Variants in ST8SIA5 observed in about 807,000 individuals in gnomAD.
ST8SIA5 encodes ST8 alpha-N-acetyl-neuraminide alpha-2,8-sialyltransferase 5.
In ST8SIA5, 24 loss-of-function variants were observed where a neutral mutation model predicts 40.2. The ratio of observed to expected loss-of-function variants is 0.60; its 90% CI spans 0.43 to 0.84. ST8SIA5 has a LOEUF of 0.84. Ranked by LOEUF, ST8SIA5 falls within the 40% of genes least tolerant of loss-of-function variation. ST8SIA5 has a pLI of 0.00. For missense variants in ST8SIA5, 465 were observed against 498.5 expected (o/e 0.93, Z 0.64); for synonymous variants, 198 against 201.8 (o/e 0.98, Z 0.16).
intron 1 of ST8SIA5, among the ~76,000 whole-genome samples, chr18:46,721,074 G>T (rs2039857369): frequency 6.6e-6 from 1 of 151,992 alleles, no homozygotes; most frequent in African/African-American, 2.4e-5. Context: ...CAGAGCTTTG[G>T]CCCCCACCCC....
chr18:46,694,983 A>G (rs2039543068), intron 2 of ST8SIA5, among the ~76,000 whole-genome samples: 1 of 151,994 alleles, frequency 6.6e-6, no homozygotes, highest in Non-Finnish European at 1.5e-5. Flanking sequence ...ACATAGTGAA[A>G]CCCTGTCTCC....
intron 1 of ST8SIA5, among the ~76,000 whole-genome samples, chr18:46,706,546 A>G (rs371916340): frequency 1.2e-4 from 18 of 152,360 alleles, no homozygotes; most frequent in African/African-American, 2.6e-4. Flanking sequence ...TTGCACCTAC[A>G]TAATAGTACA....
chr18:46,730,243 G>C (rs1345212667), intron 1 of ST8SIA5: 6 of 985,176 alleles, frequency 6.1e-6, no homozygotes, highest in South Asian at 4.7e-5. Flanking sequence ...TCTTGGATAG[G>C]GGGGCTCGCA....
At chr18:46,731,114 T>G (rs1201468008) in intron 1 of ST8SIA5, among the ~76,000 whole-genome samples, 1 of 152,252 alleles carries the variant, frequency 6.6e-6, no homozygotes, top group Admixed American at 6.5e-5. Flanking sequence ...AAGATGCAGG[T>G]AGCGGGCTGT....
intron 2 of ST8SIA5, among the ~76,000 whole-genome samples, chr18:46,701,886 G>C (rs143423290): frequency 0.028 from 4,194 of 152,226 alleles, 87 homozygotes; most frequent in Non-Finnish European, 0.042. Context: ...GGTGGCTCAC[G>C]CCTGTAATCC....
chr18:46,716,803 GC>G (rs759091095), intron 1 of ST8SIA5, among the ~76,000 whole-genome samples: 2 of 152,246 alleles, frequency 1.3e-5, no homozygotes, highest in East Asian at 1.9e-4. Context: ...GACAGAAGTT[GC>G]CCTGGGGGCA....
intron 2 of ST8SIA5, among the ~76,000 whole-genome samples, chr18:46,699,524 C>A (rs646607): frequency 2.0e-5 from 3 of 151,942 alleles, no homozygotes; most frequent in African/African-American, 7.3e-5. Context: ...GGAATACAGG[C>A]GCCTGCTACT....
Position 46,704,616 on chromosome 18 carries a change from G to A in ST8SIA5, c.180C>T (p.Cys60=), listed in dbSNP as rs1264572902. ...CCAATATTTCGTGCCTCAGCTCCAG[G>A]CATCTTGTGGAGTTATATTCAAAAG... is the stretch of plus-strand genomic sequence containing the variant. ...EGPFEYNSTR[C]LELRHEILEV... Residue 60 remains cysteine, a synonymous_variant, in exon 2 of 7, where the codon TGC becomes TGT. Transcript: ENST00000315087. 6.2e-7 allele frequency: 1 copy of A among 1,613,972 alleles called. No individual in the cohort carries two copies. The highest frequency in any genetic ancestry group is 8.5e-7 in the Non-Finnish European group (1 of 1,180,034).
rs201140949 is a variant in ST8SIA5 at position 46,680,320 on chromosome 18, C to A, written c.853G>T (p.Val285Leu). ...YYFHPQYLVN[V>L]SRYWLSLGVR... is the part of the protein sequence containing the mutation. ...CCCAGGCTGAGCCAGTAGCGCGACA[C>A]GTTGACCAGGTACTGCGGATGGAAG... The change falls in exon 7 of 7, where the codon GTG becomes TTG. Residue 285 changes from valine to leucine, a missense_variant. Physicochemically the swap from Val to Leu is conservative, Grantham distance 32. Coordinates refer to ENST00000315087, the MANE Select transcript of ST8SIA5 (RefSeq NM_013305.6). 1.2e-6 allele frequency: 2 copies of A among 1,614,100 alleles called. No individual in the cohort carries two copies. Among genetic ancestry groups the A allele is most frequent in the East Asian group, 2.2e-5 (1 of 44,898 alleles).
chr18:46,754,523 C>T (rs1055618657), intron 1 of ST8SIA5, among the ~76,000 whole-genome samples: 8 of 152,302 alleles, frequency 5.3e-5, no homozygotes, highest in Admixed American at 3.3e-4. Context: ...TCTACAGGCA[C>T]GCTTCCAGGA....
At position 46,673,622 on chromosome 18, in the gene ST8SIA5, A is replaced by G. The variant is rs1404003426; in HGVS notation, c.*6420T>C. 1 of 152,122 alleles carries G rather than the reference A, an allele frequency of 6.6e-6. No individual in the cohort carries two copies. The highest frequency in any genetic ancestry group is 1.5e-5 in the Non-Finnish European group (1 of 68,024). The allele number at this position is 152,122 out of a possible 1,614,324, so 9.4% of individuals were successfully genotyped here. On this transcript the variant is annotated 3_prime_UTR_variant, in exon 7 of 7. Transcript: ENST00000315087. The stretch of plus-strand genomic sequence containing the variant: ...ATGCAGGCCATCAGAAGGCCATCCT[A>G]CAGGGCATCCTAATAAACCCATGTG...
chr18:46,736,437 G>A (rs1478064785), intron 1 of ST8SIA5, among the ~76,000 whole-genome samples: 1 of 152,216 alleles, frequency 6.6e-6, no homozygotes, highest in Non-Finnish European at 1.5e-5. Context: ...GCACATAGAT[G>A]TGGGGATATT....
Position 46,671,215 on chromosome 18 carries a change from A to T in ST8SIA5, c.*8827T>A, listed in dbSNP as rs1048921823. ...GCTGAATGTGGAATTCTGAGCTCTC[A>T]TGGGGGTTGAAGTTGCCCACGTTGT... On this transcript the variant is annotated 3_prime_UTR_variant, in exon 7 of 7. Transcript: ENST00000315087. 4 of 152,160 alleles carry T rather than the reference A, an allele frequency of 2.6e-5. No homozygotes were observed. Among genetic ancestry groups the T allele is most frequent in the African/African-American group, 9.7e-5 (4 of 41,442 alleles). The allele number at this position is 152,160 out of a possible 1,614,324, so 9.4% of individuals were successfully genotyped here.
At chr18:46,700,003 C>A (rs569573753) in intron 2 of ST8SIA5, among the ~76,000 whole-genome samples, 85 of 152,298 alleles carry the variant, frequency 5.6e-4, no homozygotes, top group Middle Eastern at 3.4e-3. Flanking sequence ...TGACAGGAGA[C>A]GCTGGCCTGG....
Position 46,680,468 on chromosome 18 carries a change from C to A in ST8SIA5, c.705G>T (p.Val235=). The A allele has an allele frequency of 6.2e-7, 1 of 1,604,284 alleles. No homozygotes were observed. Residue 235 remains valine (V), a synonymous_variant, in exon 7 of 7, where the codon GTG becomes GTT. Coordinates refer to ENST00000315087, the MANE Select transcript of ST8SIA5 (RefSeq NM_013305.6). ...LEKWRRPFYR[V]LQVYENASVL... is the part of the protein sequence containing the mutation. ...CCGACGCGTTCTCGTACACCTGCAG[C>A]ACGCGATAGAACGGCCGCCGCCACT...
chr18:46,756,787 C>A lies in ST8SIA5; in HGVS notation c.-279G>T. ...CCCGGGTACCTTTACCTCCAGGCGC[C>A]GGTGCCGGGTAGCCGCCGATTTCCC... On this transcript the variant is annotated 5_prime_UTR_variant, in exon 1 of 7. Transcript: ENST00000315087. 3 of 365,706 alleles carry A rather than the reference C, an allele frequency of 8.2e-6. No homozygotes were observed. The highest frequency in any genetic ancestry group is 7.4e-4 in the Middle Eastern group (1 of 1,348). The allele number at this position is 365,706 out of a possible 1,614,324, so 22.7% of individuals were successfully genotyped here. A position where few individuals can be genotyped will look rare whatever the true frequency, so the allele number is the denominator to read the frequency against.
At chr18:46,697,145 G>C (rs911756478) in intron 2 of ST8SIA5, among the ~76,000 whole-genome samples, 1 of 145,258 alleles carries the variant, frequency 6.9e-6, no homozygotes, top group Non-Finnish European at 1.5e-5. Context: ...AAAAAAAAAG[G>C]TATCATTTAC....
At chr18:46,697,124 T>TAAA (rs35310725) in intron 2 of ST8SIA5, among the ~76,000 whole-genome samples, 9 of 126,824 alleles carry the variant, frequency 7.1e-5, no homozygotes, top group South Asian at 2.6e-4. Context: ...GTTCCTCTGT[T>TAAA]AAAAAAAAAA....
chr18:46,680,561 G>T, intron 6 of ST8SIA5, 51 bp from the exon 7 acceptor site: 1 of 1,493,144 alleles, frequency 6.7e-7, no homozygotes, highest in Non-Finnish European at 9.0e-7. Context: ...GTGCCCTCAG[G>T]CCCCTCGCTT....
Sources: gnomAD v4.1 joint callset for allele counts (sites outside exome capture counted in the v4.1 genomes callset) on GRCh38, gnomAD v4.1.1 for gene constraint, MANE v1.5 for transcripts, NCBI Gene and HGNC (gene_info 2026-07-23, HGNC 2026-07-21) for gene names.